The following PALM variants were observed in gnomAD, a reference collection of about 807,000 sequenced individuals.
PALM encodes paralemmin, also known as paralemmin-1.
Under a neutral mutation model 30.7 loss-of-function variants are expected in PALM, and 18 were observed. The observed-to-expected ratio is 0.59, with a 90% confidence interval of 0.41 to 0.87. PALM has a LOEUF of 0.87. PALM is among the 40% of genes least tolerant of loss of function. The pLI is 0.00. For missense variants in PALM, 529 were observed against 555.4 expected (o/e 0.95, Z 0.48); for synonymous variants, 286 against 242.8 (o/e 1.18, Z -1.66).
At chr19:726,875 C>G in intron 2 of PALM, 133 bp from the exon 3 acceptor site, 5 of 634,524 alleles carry the variant, frequency 7.9e-6, no homozygotes, top group Non-Finnish European at 1.4e-5. Flanking sequence ...TCCGCTGTCA[C>G]CTGGAAGCCA....
chr19:718,456 G>T (rs1160967705), intron 1 of PALM, among the ~76,000 whole-genome samples: 1 of 152,154 alleles, frequency 6.6e-6, no homozygotes, highest in Non-Finnish European at 1.5e-5. Flanking sequence ...TCTGCAGCAG[G>T]GTTTGCCCTG....
intron 5 of PALM, among the ~76,000 whole-genome samples, chr19:733,192 C>T (rs2032924188): frequency 1.3e-5 from 2 of 152,168 alleles, no homozygotes; most frequent in South Asian, 4.1e-4. Context: ...TCCCAAAGTG[C>T]TGGGATTAGA....
At chr19:723,905 C>A (rs779124494) in intron 1 of PALM, among the ~76,000 whole-genome samples, 3 of 151,434 alleles carry the variant, frequency 2.0e-5, no homozygotes, top group Non-Finnish European at 4.4e-5. Flanking sequence ...CTGCTTTTTG[C>A]ATTTTACTAA....
chr19:719,349 TCTC>T (rs1303535861), intron 1 of PALM: 30 of 985,258 alleles, frequency 3.0e-5, no homozygotes, highest in Non-Finnish European at 3.5e-5. Flanking sequence ...CATGAACTCA[TCTC>T]CTGGAGCAGG....
rs2032733104 is a variant in PALM, at chr19:727,689, G to T, written c.264G>T (p.Val88=). The change falls in exon 4 of 9, where the codon GTG becomes GTT. Residue 88 remains valine, a synonymous_variant. Coordinates refer to ENST00000338448, the MANE Select transcript of PALM (RefSeq NM_002579.3). ...AGACACGGCTGCTGGAGGACTCGGTGTCCAGGTGGGGGCTGCAGCGTGGGT... is the reference window on the plus strand; with the variant it reads ...AGACACGGCTGCTGGAGGACTCGGTTTCCAGGTGGGGGCTGCAGCGTGGGT... ...EQKTRLLEDS[V]SRLEKEIEVL... 16 of 1,556,550 alleles carry T rather than the reference G, an allele frequency of 1.0e-5. No individual in the cohort carries two copies. The highest frequency in any genetic ancestry group is 1.4e-5 in the Non-Finnish European group (16 of 1,149,906).
rs1275457270 is a variant in PALM, at chr19:711,085, G to A, written c.5+1934G>A. The stretch of plus-strand genomic sequence containing the variant: ...CGTCTCGCTGGAAAGTTTCACAAAT[G>A]AATTTAAGAATTTAAAGAATTTTAA... On this transcript the variant is annotated intron_variant, in intron 1 of 8. Coordinates refer to ENST00000338448, the MANE Select transcript of PALM (RefSeq NM_002579.3). The A allele has an allele frequency of 1.4e-5, 8 of 565,506 alleles. No homozygotes were observed. In the South Asian group the frequency reaches 4.6e-4, roughly 33 times the overall value. 35.0% of individuals were successfully genotyped at this position (565,506 alleles called of 1,614,324 possible).
intron 8 of PALM, among the ~76,000 whole-genome samples, chr19:744,036 C>T (rs865776318): frequency 6.6e-6 from 1 of 152,306 alleles, no homozygotes; most frequent in Non-Finnish European, 1.5e-5. Flanking sequence ...TTTAAAAACA[C>T]CCTCTAAATA....
At chr19:736,603 C>T (rs942319603) in intron 7 of PALM, among the ~76,000 whole-genome samples, 3 of 152,172 alleles carry the variant, frequency 2.0e-5, no homozygotes, top group African/African-American at 7.2e-5. Context: ...CAGGCTCGAA[C>T]CCCTGGTCTG....
chr19:726,324 G>C, intron 2 of PALM, 135 bp downstream of exon 2: 1 of 688,354 alleles, frequency 1.5e-6, no homozygotes, highest in Non-Finnish European at 2.5e-6. Flanking sequence ...TGGGAAACTT[G>C]GATCCTGCTG....
intron 3 of PALM, 93 bp from the exon 4 acceptor site, chr19:727,471 C>T (rs751925007): frequency 7.8e-5 from 84 of 1,075,956 alleles, no homozygotes; most frequent in Non-Finnish European, 1.1e-4. Context: ...CCTGCCTCAA[C>T]CCCGACCCTG....
At chr19:730,909 G>T (rs1014110369) in intron 4 of PALM, among the ~76,000 whole-genome samples, 186 bp from the exon 5 acceptor site, 103 of 152,232 alleles carry the variant, frequency 6.8e-4, no homozygotes, top group Non-Finnish European at 7.9e-4. Context: ...CCTGAGGCAG[G>T]AGGATCACTT....
chr19:718,068 G>A (rs1352576009), intron 1 of PALM, among the ~76,000 whole-genome samples: 1 of 152,178 alleles, frequency 6.6e-6, no homozygotes, highest in Non-Finnish European at 1.5e-5. Context: ...TGTAATCCCA[G>A]CTACTCAGGA....
intron 6 of PALM, among the ~76,000 whole-genome samples, 198 bp from the exon 7 acceptor site, chr19:735,821 T>C (rs2033006993): frequency 6.8e-6 from 1 of 146,506 alleles, no homozygotes; most frequent in Non-Finnish European, 1.5e-5. Flanking sequence ...GTGGGATCTG[T>C]GTGTCTGAGG....
In PALM at chr19:709,287, G is replaced by T; in HGVS notation, c.5+136G>T. 1 of 255,986 alleles carries T rather than the reference G, an allele frequency of 3.9e-6. No homozygotes were observed. Among genetic ancestry groups the T allele is most frequent in the South Asian group, 1.7e-4 (1 of 5,884 alleles). 15.9% of individuals were successfully genotyped at this position (255,986 alleles called of 1,614,324 possible). Reference sequence around the variant, plus strand: ...GAGCAGGAGGCGGCGCGGGGCTGCTGGGGCCGCAGCGCAGCCGGGAAGAGA... The same window carrying T: ...GAGCAGGAGGCGGCGCGGGGCTGCTTGGGCCGCAGCGCAGCCGGGAAGAGA... On this transcript the variant is annotated intron_variant, in intron 1 of 8. Transcript: ENST00000338448. The surrounding 1 kb of genome is among the most constrained non-coding windows in gnomAD (Gnocchi z 4.3).
intron 1 of PALM, among the ~76,000 whole-genome samples, chr19:720,035 G>A (rs372594186): frequency 4.0e-5 from 6 of 151,256 alleles, no homozygotes; most frequent in African/African-American, 1.5e-4. Flanking sequence ...CCCTTCCTGG[G>A]CGGGCGCCCC....
In PALM at chr19:746,279, G is replaced by T. The variant is rs750299784; in HGVS notation, c.635-6G>T. Reference sequence around the variant, plus strand: ...TGGGTCATTCTCTCTGTCTCTCCTTGTACAGTGGTCCATGCTGTGGACGGC... The same window carrying T: ...TGGGTCATTCTCTCTGTCTCTCCTTTTACAGTGGTCCATGCTGTGGACGGC... On this transcript the variant is annotated splice_region_variant and splice_polypyrimidine_tract_variant and intron_variant, in intron 8 of 8. Coordinates refer to ENST00000338448, the MANE Select transcript of PALM (RefSeq NM_002579.3). This position sits in a 1 kb window ranked among gnomAD's most constrained non-coding sequence, Gnocchi z 7.1. The T allele has an allele frequency of 6.2e-7, 1 of 1,610,916 alleles. No homozygotes were observed. The highest frequency in any genetic ancestry group is 8.5e-7 in the Non-Finnish European group (1 of 1,178,358).
chr19:733,314 G>C (rs1202997435), intron 5 of PALM, among the ~76,000 whole-genome samples: 1 of 152,182 alleles, frequency 6.6e-6, no homozygotes, highest in Non-Finnish European at 1.5e-5. Context: ...TGTCATGGGA[G>C]ACTCAGCAAT....
Position 736,010 on chromosome 19 carries a change from C to T in PALM, c.443-9C>T, listed in dbSNP as rs2033012926. On this transcript the variant is annotated splice_polypyrimidine_tract_variant and intron_variant, in intron 6 of 8. Coordinates refer to ENST00000338448, the MANE Select transcript of PALM (RefSeq NM_002579.3). The stretch of plus-strand genomic sequence containing the variant: ...CTCATCTCTCTCTCCGCTTCCACCT[C>T]CCGTGCAGACAAGCGAGTCTCCAAC... The T allele has an allele frequency of 1.2e-6, 2 of 1,607,792 alleles. No individual in the cohort carries two copies. Among genetic ancestry groups the T allele is most frequent in the African/African-American group, 1.3e-5 (1 of 74,574 alleles).
chr19:722,714 C>G (rs1237859349), intron 1 of PALM: 4 of 152,280 alleles, frequency 2.6e-5, no homozygotes, highest in African/African-American at 9.7e-5. Flanking sequence ...CTGCATCACC[C>G]GTTGCTGGGG....
Sources: allele counts gnomAD v4.1 joint callset (sites outside exome capture counted in the v4.1 genomes callset), GRCh38; gene constraint gnomAD v4.1.1; non-coding constraint Gnocchi (gnomAD v3.1); transcripts MANE v1.5; gene names NCBI Gene and HGNC (gene_info 2026-07-23, HGNC 2026-07-21).